The following SFT2D2 variants were observed in gnomAD, a reference collection of about 807,000 sequenced individuals.
SFT2D2 encodes the protein SFT2 domain containing 2, also known as vesicle transport protein SFT2B.
A neutral mutation model predicts 27.4 loss-of-function variants in SFT2D2; 21 were observed. That is an observed-to-expected ratio of 0.77 (90% confidence interval 0.54 to 1.10). The LOEUF (loss-of-function observed/expected upper bound fraction) is 1.10, where lower values mean the gene tolerates loss of function less well. Ranked by LOEUF, SFT2D2 falls within the 50% of genes least tolerant of loss-of-function variation. The pLI is 0.00. For missense variants in SFT2D2, 187 were observed against 194.2 expected, an observed-to-expected ratio of 0.96 and a Z score of 0.22; for synonymous variants, 72 against 71.7, an observed-to-expected ratio of 1.00 and a Z score of -0.02.
At chr1:168,234,196 G>A (rs1192683994) in intron 3 of SFT2D2, among the ~76,000 whole-genome samples, 1 of 152,118 alleles carries the variant, frequency 6.6e-6, no homozygotes, top group East Asian at 1.9e-4. Context: ...AAGAGATCGA[G>A]ACCATCCTGG....
At position 168,231,595 on chromosome 1, in the gene SFT2D2, C is replaced by T. The variant is rs1286409910; in HGVS notation, c.145C>T (p.Leu49=). The T allele has an allele frequency of 1.2e-6, 2 of 1,613,870 alleles. No homozygotes were observed. Among genetic ancestry groups the T allele is most frequent in the Middle Eastern group, 1.6e-4 (1 of 6,062 alleles). Residue 49 remains leucine (L), a synonymous_variant, in exon 2 of 8, where the codon CTG becomes TTG. Coordinates refer to ENST00000271375, the MANE Select transcript of SFT2D2 (RefSeq NM_199344.3). The part of the protein sequence containing the change: ...ACFAIGILCS[L]LGTVLLWVPR... ...TTTTGCTATAGGAATTCTCTGCTCACTGCTGGTAAGATTTCCCTTCCTCCT... is the reference window on the plus strand; with the variant it reads ...TTTTGCTATAGGAATTCTCTGCTCATTGCTGGTAAGATTTCCCTTCCTCCT...
chr1:168,226,179 C>T (rs1700456796), intron 1 of SFT2D2, 37 bp downstream of exon 1: 1 of 1,514,678 alleles, frequency 6.6e-7, no homozygotes, highest in African/African-American at 1.4e-5. Flanking sequence ...CCTCTCGCCG[C>T]GCTCCCGCCC....
chr1:168,236,847 T>A lies in SFT2D2; in HGVS notation c.413+77T>A, dbSNP rs936815616. 12 of 1,472,936 alleles carry A rather than the reference T, an allele frequency of 8.1e-6. No individual in the cohort carries two copies. In the African/African-American group the frequency reaches 1.6e-4, roughly 19 times the overall value. 91.2% of individuals were successfully genotyped at this position (1,472,936 alleles called of 1,614,324 possible). On this transcript the variant is annotated intron_variant, in intron 6 of 7. Coordinates refer to ENST00000271375, the MANE Select transcript of SFT2D2 (RefSeq NM_199344.3). ...GCCAAAGGAGATAAAACTCACATATTGTGGGTGGGAGAATTAAGAAAACAC... is the reference window on the plus strand; with the variant it reads ...GCCAAAGGAGATAAAACTCACATATAGTGGGTGGGAGAATTAAGAAAACAC...
intron 2 of SFT2D2, 108 bp downstream of exon 2, chr1:168,231,708 TGAGAG>T (rs1647318307): frequency 7.0e-7 from 1 of 1,430,790 alleles, no homozygotes; most frequent in African/African-American, 1.4e-5. Context: ...AATGCATGGA[TGAGAG>T]GAGAGGGGAA....
chr1:168,235,199 A>G lies in SFT2D2; in HGVS notation c.318+17A>G. On this transcript the variant is annotated intron_variant, in intron 4 of 7. Transcript: ENST00000271375. The stretch of plus-strand genomic sequence containing the variant: ...ATGGTGCTGGTAAGGTCTGCTTTTT[A>G]GCTGGACTTCTCAGATGGGAGTTTT... 2 of 1,612,546 alleles carry G rather than the reference A, an allele frequency of 1.2e-6. No homozygotes were observed. The highest frequency in any genetic ancestry group is 1.7e-6 in the Non-Finnish European group (2 of 1,178,800).
intron 1 of SFT2D2, among the ~76,000 whole-genome samples, chr1:168,229,309 T>C (rs1700490153): frequency 6.6e-6 from 1 of 152,184 alleles, no homozygotes; most frequent in Non-Finnish European, 1.5e-5. Context: ...AGGCTCCGCC[T>C]CCCGGGTTCA....
intron 7 of SFT2D2, among the ~76,000 whole-genome samples, chr1:168,240,773 G>C (rs368232672): frequency 3.9e-5 from 6 of 152,036 alleles, no homozygotes; most frequent in African/African-American, 1.2e-4. Flanking sequence ...TTAACCGAGC[G>C]TGGTGGCGTG....
chr1:168,241,579 A>G lies in SFT2D2; in HGVS notation c.444-922A>G, dbSNP rs141691516. ...TGTTTCTGTGGAAGAAAAGAGTTCT[A>G]TGATCAAGTAAGTTTGAGAAACAGG... On this transcript the variant is annotated intron_variant, in intron 7 of 7. Transcript: ENST00000271375. Among the ~76,000 whole-genome samples the G allele has an allele frequency of 1.0e-3, 159 of 152,250 alleles. 1 individual carries two copies. The East Asian group carries it at 0.019, about 18-fold the overall frequency.
intron 3 of SFT2D2, among the ~76,000 whole-genome samples, chr1:168,232,391 T>C (rs935784508): frequency 1.3e-5 from 2 of 152,226 alleles, no homozygotes; most frequent in Non-Finnish European, 2.9e-5. Flanking sequence ...CTGCATGTTG[T>C]GGATGCACAC....
intron 3 of SFT2D2, 90 bp downstream of exon 3, chr1:168,232,009 C>T (rs1160108171): frequency 9.8e-7 from 1 of 1,016,674 alleles, no homozygotes; most frequent in Non-Finnish European, 1.5e-6. Flanking sequence ...AGAGGAGGCT[C>T]CAGTAGTTGT....
At position 168,236,760 on chromosome 1, in the gene SFT2D2, G is replaced by T. The variant is rs1647514221; in HGVS notation, c.403G>T (p.Ala135Ser). The T allele has an allele frequency of 6.2e-7, 1 of 1,614,008 alleles. No individual in the cohort carries two copies. Among genetic ancestry groups the T allele is most frequent in the African/African-American group, 1.3e-5 (1 of 74,896 alleles). Reference sequence around the variant, plus strand: ...TATCTTCTGCATTTTGCAGTCTTTGGCATTGACGTGGTAAGTAACCTTTTA... The same window carrying T: ...TATCTTCTGCATTTTGCAGTCTTTGTCATTGACGTGGTAAGTAACCTTTTA... ...ALIFCILQSL[A>S]LTWYSLSFIP... Residue 135 changes from alanine to serine, a missense_variant, in exon 6 of 8, where the codon GCA (alanine) becomes TCA (serine). Ala to Ser is a moderately conservative substitution (Grantham distance 99). Transcript: ENST00000271375.
rs964523964 is a variant in SFT2D2 at position 168,246,235 on chromosome 1, G to A, written c.*3695G>A. 9 of 321,650 alleles carry A rather than the reference G, an allele frequency of 2.8e-5. No individual in the cohort carries two copies. Among genetic ancestry groups the A allele is most frequent in the Non-Finnish European group, 4.8e-5 (8 of 165,566 alleles). The allele number at this position is 321,650 out of a possible 1,614,324, so 19.9% of individuals were successfully genotyped here. A position where few individuals can be genotyped will look rare whatever the true frequency, so the allele number is the denominator to read the frequency against. On this transcript the variant is annotated 3_prime_UTR_variant, in exon 8 of 8. Transcript: ENST00000271375. ...TTTATGCACTCAGCTTGAAGATTTT[G>A]TGCTGTAGCATCACATTTGGCTTGA... is the stretch of plus-strand genomic sequence containing the variant.
intron 2 of SFT2D2, 86 bp downstream of exon 2, chr1:168,231,686 G>C: frequency 6.7e-7 from 1 of 1,491,160 alleles, no homozygotes; most frequent in Non-Finnish European, 9.4e-7. Flanking sequence ...TTCCCCTTTT[G>C]CCCTTCACTA....
Position 168,236,733 on chromosome 1 carries a change from C to CTT in SFT2D2, c.377_378dup (p.Ile127LeufsTer11), listed in dbSNP as rs1205282211. 5 of 1,614,184 alleles carry CTT rather than the reference C, an allele frequency of 3.1e-6. No individual in the cohort carries two copies. The highest frequency in any genetic ancestry group is 4.2e-6 in the Non-Finnish European group (5 of 1,180,016). The stretch of plus-strand genomic sequence containing the variant: ...CCAGTGGCATAACAAGGGACTTGCA[C>CTT]TTATCTTCTGCATTTTGCAGTCTTT... On this transcript the variant is annotated frameshift_variant, in exon 6 of 8. Transcript: ENST00000271375. LOFTEE classifies it high-confidence loss of function.
rs370583908 is a variant in SFT2D2, at chr1:168,246,494, C to G, written c.*3954C>G. 5 of 1,442,050 alleles carry G rather than the reference C, an allele frequency of 3.5e-6. No homozygotes were observed. The highest frequency in any genetic ancestry group is 2.5e-5 in the East Asian group (1 of 39,832). 89.3% of individuals were successfully genotyped at this position (1,442,050 alleles called of 1,614,324 possible). A position where few individuals can be genotyped will look rare whatever the true frequency, so the allele number is the denominator to read the frequency against. ...ACCAAAGCGTTTTCTTTCAGAGCCT[C>G]TCTTGTGTTATGGAGCTCAGTTTTG... On this transcript the variant is annotated 3_prime_UTR_variant, in exon 8 of 8. Coordinates refer to ENST00000271375, the MANE Select transcript of SFT2D2 (RefSeq NM_199344.3).
In SFT2D2 at chr1:168,246,582, C is replaced by G. The variant is rs961673367; in HGVS notation, c.*4042C>G. The G allele has an allele frequency of 3.3e-5, 50 of 1,511,124 alleles. No individual in the cohort carries two copies. Among genetic ancestry groups the G allele is most frequent in the Non-Finnish European group, 4.4e-5 (49 of 1,104,156 alleles). The allele number at this position is 1,511,124 out of a possible 1,614,324, so 93.6% of individuals were successfully genotyped here. A position where few individuals can be genotyped will look rare whatever the true frequency, so the allele number is the denominator to read the frequency against. On this transcript the variant is annotated 3_prime_UTR_variant, in exon 8 of 8. Transcript: ENST00000271375. ...GAGAAAGAATCAGAACATGAGAATTCAAATTTTCCTGTAAATGACGCAATT... is the reference window on the plus strand; with the variant it reads ...GAGAAAGAATCAGAACATGAGAATTGAAATTTTCCTGTAAATGACGCAATT...
chr1:168,246,911 G>A lies in SFT2D2; in HGVS notation c.*4371G>A, dbSNP rs555384701. 159 of 609,514 alleles carry A rather than the reference G, an allele frequency of 2.6e-4. 3 individuals carry two copies. The highest frequency in any genetic ancestry group is 2.2e-3 in the South Asian group (153 of 70,280). The allele number at this position is 609,514 out of a possible 1,614,324, so 37.8% of individuals were successfully genotyped here. A position where few individuals can be genotyped will look rare whatever the true frequency, so the allele number is the denominator to read the frequency against. Reference sequence around the variant, plus strand: ...TGTCTTTTAAGTATTTCTTTTCCAGGATTTGATTTTTTATTGTGTGTATTT... The same window carrying A: ...TGTCTTTTAAGTATTTCTTTTCCAGAATTTGATTTTTTATTGTGTGTATTT... On this transcript the variant is annotated 3_prime_UTR_variant, in exon 8 of 8. Transcript: ENST00000271375.
intron 1 of SFT2D2, among the ~76,000 whole-genome samples, chr1:168,226,587 G>A (rs550919648): frequency 6.6e-6 from 1 of 151,750 alleles, no homozygotes; most frequent in Admixed American, 6.5e-5. Flanking sequence ...CGACGGGGCT[G>A]GTGGCCGCGC....
At position 168,251,634 on chromosome 1, in the gene SFT2D2, A is replaced by AT. The variant is rs1229507658; in HGVS notation, c.*9099dup. On this transcript the variant is annotated 3_prime_UTR_variant, in exon 8 of 8. Coordinates refer to ENST00000271375, the MANE Select transcript of SFT2D2 (RefSeq NM_199344.3). Reference sequence around the variant, plus strand: ...CTCAAACCTCATTTTCAGCATATAAATTTTTAAGAATCAGTGTTTAAAGGT... The same window carrying AT: ...CTCAAACCTCATTTTCAGCATATAAATTTTTTAAGAATCAGTGTTTAAAGGT... 1 of 151,994 alleles carries AT rather than the reference A, an allele frequency of 6.6e-6. No individual in the cohort carries two copies. The highest frequency in any genetic ancestry group is 1.9e-4 in the East Asian group (1 of 5,192). 9.4% of individuals were successfully genotyped at this position (151,994 alleles called of 1,614,324 possible). A position where few individuals can be genotyped will look rare whatever the true frequency, so the allele number is the denominator to read the frequency against.
Sources: allele counts gnomAD v4.1 joint callset (sites outside exome capture counted in the v4.1 genomes callset), GRCh38; gene constraint gnomAD v4.1.1; transcripts MANE v1.5; gene names NCBI Gene and HGNC (gene_info 2026-07-23, HGNC 2026-07-21).